Variants in AP1G1 observed in about 807,000 individuals in gnomAD.
AP1G1 encodes adaptor related protein complex 1 subunit gamma 1.
In AP1G1, 7 loss-of-function variants were observed where a neutral mutation model predicts 108.3. The observed-to-expected ratio is 0.06, with a 90% confidence interval of 0.04 to 0.12. The LOEUF (loss-of-function observed/expected upper bound fraction) is 0.12, where lower values mean the gene tolerates loss of function less well. Among genes scored for constraint, AP1G1 ranks in the 10% least tolerant of loss-of-function variants. AP1G1 has a pLI of 1.00. For missense variants in AP1G1, 756 were observed against 1,010.7 expected, an observed-to-expected ratio of 0.75 and a Z score of 3.42; for synonymous variants, 379 against 353.5, an observed-to-expected ratio of 1.07 and a Z score of -0.81.
intron 2 of AP1G1, among the ~76,000 whole-genome samples, chr16:71,786,893 T>TAA (rs2032222980): frequency 2.0e-5 from 3 of 151,926 alleles, no homozygotes; most frequent in Non-Finnish European, 4.4e-5. Flanking sequence ...CAAAGCCCTG[T>TAA]CTCTATAAAA....
intron 13 of AP1G1, chr16:71,751,265 C>T (rs1245575319): frequency 1.3e-5 from 2 of 151,772 alleles, no homozygotes; most frequent in Non-Finnish European, 2.9e-5. Flanking sequence ...AAGATGACTG[C>T]TTGAGGCCAG....
chr16:71,801,695 G>A (rs1426837088), intron 1 of AP1G1, among the ~76,000 whole-genome samples: 1 of 152,154 alleles, frequency 6.6e-6, no homozygotes, highest in African/African-American at 2.4e-5. Context: ...GGCTGAGGCG[G>A]GCAGATCACA....
chr16:71,754,212 G>C (rs1283573719), intron 12 of AP1G1, among the ~76,000 whole-genome samples: 1 of 145,972 alleles, frequency 6.9e-6, no homozygotes, highest in East Asian at 2.0e-4. Flanking sequence ...AGAAAGAGAA[G>C]AAACAGAAGA....
At position 71,745,533 on chromosome 16, in the gene AP1G1, C is replaced by A. The variant is rs750991172; in HGVS notation, c.1812G>T (p.Glu604Asp). 6.2e-7 allele frequency: 1 copy of A among 1,614,168 alleles called. No homozygotes were observed. ...GPTEIVQTNG[E>D]TEPAPLETKP... ...TGGTCTCTAGTGGAGCTGGTTCTGT[C>A]TCTCCATTTGTCTGCACAATCTCAG... Residue 604 changes from glutamate to aspartate, a missense_variant, in exon 18 of 23, where the codon GAG becomes GAT. Around this residue, in one of 3 missense-constraint regions of AP1G1, gnomAD observed 357 missense variants for 366.5 expected, o/e 0.97. Coordinates refer to ENST00000299980, the MANE Select transcript of AP1G1 (RefSeq NM_001128.6).
chr16:71,750,850 T>G (rs2030455369), intron 13 of AP1G1, among the ~76,000 whole-genome samples: 1 of 152,080 alleles, frequency 6.6e-6, no homozygotes, highest in African/African-American at 2.4e-5. Flanking sequence ...TTATTTTATT[T>G]TTAAAAATTT....
intron 11 of AP1G1, 34 bp downstream of exon 11, chr16:71,758,774 A>T: frequency 5.2e-6 from 7 of 1,348,922 alleles, no homozygotes; most frequent in Non-Finnish European, 6.3e-6. Context: ...ATTTACCAAA[A>T]ACACTAGACT....
rs201604006 is a variant in AP1G1, at chr16:71,806,031, T to A, written c.-4+2732A>T. ...ACCCTGTCTCAAACAATAAAAATAA[T>A]AAAAAAAAAAAAAAAGAGTTTTTAT... is the stretch of plus-strand genomic sequence containing the variant. On this transcript the variant is annotated intron_variant, in intron 1 of 22. Transcript: ENST00000299980. Among the ~76,000 whole-genome samples the A allele has an allele frequency of 1.7e-3, 255 of 149,182 alleles. 1 individual carries two copies. Among genetic ancestry groups the A allele is most frequent in the African/African-American group, 5.6e-3 (228 of 40,482 alleles).
intron 2 of AP1G1, among the ~76,000 whole-genome samples, chr16:71,782,233 G>A (rs1052159302): frequency 3.3e-5 from 5 of 151,932 alleles, no homozygotes; most frequent in Admixed American, 1.3e-4. Flanking sequence ...GCACGATCTC[G>A]CCTCACTGCA....
chr16:71,751,075 A>T (rs2030473084), intron 13 of AP1G1, among the ~76,000 whole-genome samples: 1 of 151,520 alleles, frequency 6.6e-6, no homozygotes, highest in African/African-American at 2.4e-5. Flanking sequence ...GAATGGCGTG[A>T]ACCCAGGAGG....
intron 1 of AP1G1, among the ~76,000 whole-genome samples, chr16:71,795,494 G>A (rs1430267497): frequency 6.6e-6 from 1 of 152,138 alleles, no homozygotes; most frequent in Non-Finnish European, 1.5e-5. Flanking sequence ...GTTAACATCA[G>A]GCAAAACCCT....
Position 71,745,585 on chromosome 16 carries a change from A to G in AP1G1, c.1760T>C (p.Met587Thr). 6.2e-7 allele frequency: 1 copy of G among 1,614,154 alleles called. No individual in the cohort carries two copies. The highest frequency in any genetic ancestry group is 8.5e-7 in the Non-Finnish European group (1 of 1,180,030). The change falls in exon 18 of 23, where the codon ATG (methionine) becomes ACG (threonine). Residue 587 changes from methionine to threonine, a missense_variant. This residue lies in a region of AP1G1 where 357 missense variants were observed against 366.5 expected (regional missense o/e 0.97). Coordinates refer to ENST00000299980, the MANE Select transcript of AP1G1 (RefSeq NM_001128.6). Reference sequence around the variant, plus strand: ...AGGGCCATTTGTGGTCACTTTTTCCATGACAGGCATTCTCTCAAGTAGGGC... The same window carrying G: ...AGGGCCATTTGTGGTCACTTTTTCCGTGACAGGCATTCTCTCAAGTAGGGC... Reference protein sequence around the residue: ...RSALLERMPVMEKVTTNGPTE... With the variant: ...RSALLERMPVTEKVTTNGPTE...
At chr16:71,776,437 T>C (rs1461484779) in intron 2 of AP1G1, among the ~76,000 whole-genome samples, 1 of 152,214 alleles carries the variant, frequency 6.6e-6, no homozygotes, top group Non-Finnish European at 1.5e-5. Flanking sequence ...CAGCAATTTC[T>C]GAAACAGAAG....
chr16:71,798,152 A>C (rs1470412895), intron 1 of AP1G1, among the ~76,000 whole-genome samples: 1 of 152,202 alleles, frequency 6.6e-6, no homozygotes, highest in Non-Finnish European at 1.5e-5. Flanking sequence ...AATTATCATC[A>C]AAAACTGTTA....
At chr16:71,765,699 C>G in intron 6 of AP1G1, 115 bp from the exon 7 acceptor site, 1 of 746,220 alleles carries the variant, frequency 1.3e-6, no homozygotes, top group South Asian at 1.5e-5. Flanking sequence ...GCAAATTCTA[C>G]TGATTTAATA....
At chr16:71,739,440 G>C in intron 19 of AP1G1, 99 bp from the exon 20 acceptor site, 4 of 932,360 alleles carry the variant, frequency 4.3e-6, no homozygotes, top group Non-Finnish European at 6.3e-6. Flanking sequence ...GTTAAGGAAA[G>C]ATTCCTTAAA....
At chr16:71,807,114 T>C (rs1028644007) in intron 1 of AP1G1, among the ~76,000 whole-genome samples, 5 of 152,170 alleles carry the variant, frequency 3.3e-5, no homozygotes, top group African/African-American at 1.2e-4. Flanking sequence ...ACGTAGGAAA[T>C]GTATCAGTGA....
rs111667109 is a variant in AP1G1, at chr16:71,747,978, G to A, written c.1625+273C>T. The stretch of plus-strand genomic sequence containing the variant: ...ATCCTGGGTAAGAGAGCGAGACCCT[G>A]TCTCAACAAACAAACAAAACCCCCT... On this transcript the variant is annotated intron_variant, in intron 16 of 22. Transcript: ENST00000299980. Among the ~76,000 whole-genome samples, 65 of 152,308 alleles carry A rather than the reference G, an allele frequency of 4.3e-4. 1 individual carries two copies. Among genetic ancestry groups the A allele is most frequent in the African/African-American group, 1.4e-3 (59 of 41,570 alleles).
intron 2 of AP1G1, 86 bp from the exon 3 acceptor site, chr16:71,774,678 G>C: frequency 7.2e-7 from 1 of 1,383,020 alleles, no homozygotes; most frequent in South Asian, 1.4e-5. Context: ...AGAGTCCCCA[G>C]CTGGCTAAAG....
intron 1 of AP1G1, among the ~76,000 whole-genome samples, chr16:71,803,895 G>C (rs2032899210): frequency 7.1e-6 from 1 of 141,512 alleles, no homozygotes; most frequent in Admixed American, 7.4e-5. Context: ...ATGCACTCCA[G>C]CCTGGGCAAC....
Sources: gnomAD v4.1 joint callset for allele counts (sites outside exome capture counted in the v4.1 genomes callset) on GRCh38, gnomAD v4.1.1 for gene constraint, gnomAD v4.1.1 regional missense constraint, MANE v1.5 for transcripts, NCBI Gene and HGNC (gene_info 2026-07-23, HGNC 2026-07-21) for gene names.